The following EXOC4 variants were observed in gnomAD, a reference collection of about 807,000 sequenced individuals.
The protein encoded by EXOC4 is exocyst complex component 4.
Under a neutral mutation model 107.2 loss-of-function variants are expected in EXOC4, and 71 were observed. The ratio of observed to expected loss-of-function variants is 0.66; its 90% confidence interval spans 0.55 to 0.81. The LOEUF (loss-of-function observed/expected upper bound fraction) is 0.81, where lower values mean the gene tolerates loss of function less well. EXOC4 is among the 30% of genes least tolerant of loss of function. EXOC4 has a pLI of 0.00. For missense variants in EXOC4, 1,108 were observed against 1,189.6 expected (o/e 0.93, Z 1.01); for synonymous variants, 456 against 441.2 (o/e 1.03, Z -0.42).
rs748463481 is a variant in EXOC4, at chr7:133,630,089, G to T, written c.1462G>T (p.Val488Phe). 1.2e-6 allele frequency: 2 copies of T among 1,613,776 alleles called. No homozygotes were observed. The highest frequency in any genetic ancestry group is 1.7e-6 in the Non-Finnish European group (2 of 1,179,908). Residue 488 changes from valine (V) to phenylalanine (F), a missense_variant, in exon 10 of 18, where the codon GTC (valine) becomes TTC (phenylalanine). By Grantham distance (50) the Val-to-Phe change is conservative. Transcript: ENST00000253861. ...AATTGAAGGTGGAGGAACAAAATTT[G>T]TCTGCAAACCTGGAGCCAGAAACAT... ...NLIEGGGTKF[V>F]CKPGARNITV...
intron 11 of EXOC4, among the ~76,000 whole-genome samples, chr7:133,859,003 C>A (rs1013792001): frequency 1.3e-5 from 2 of 152,118 alleles, no homozygotes; most frequent in African/African-American, 4.8e-5. Flanking sequence ...TGACTCTTCT[C>A]CCCTGCCTCA....
At chr7:133,890,505 A>G (rs1176077114) in intron 11 of EXOC4, among the ~76,000 whole-genome samples, 2 of 141,232 alleles carry the variant, frequency 1.4e-5, no homozygotes, top group African/African-American at 2.9e-5. Flanking sequence ...GCCCACGCCT[A>G]TGTCCTGAAT....
intron 17 of EXOC4, among the ~76,000 whole-genome samples, chr7:134,042,676 C>T (rs1015434510): frequency 6.6e-6 from 1 of 152,192 alleles, no homozygotes; most frequent in Admixed American, 6.5e-5. Flanking sequence ...TGCTGATTAG[C>T]TGTGTGACCT....
At chr7:133,309,267 G>C (rs1794818111) in intron 4 of EXOC4, among the ~76,000 whole-genome samples, 1 of 152,098 alleles carries the variant, frequency 6.6e-6, no homozygotes, top group African/African-American at 2.4e-5. Flanking sequence ...CAGTTACACA[G>C]AAAGGAGCAA....
chr7:133,687,797 C>T (rs1447437469), intron 10 of EXOC4, among the ~76,000 whole-genome samples: 1 of 151,914 alleles, frequency 6.6e-6, no homozygotes, highest in African/African-American at 2.4e-5. Context: ...TCAATCTGTC[C>T]TTAAAAAATA....
At chr7:133,901,152 G>A (rs1468246643) in intron 12 of EXOC4, among the ~76,000 whole-genome samples, 3 of 152,174 alleles carry the variant, frequency 2.0e-5, no homozygotes, top group Admixed American at 6.5e-5. Flanking sequence ...TTACAGGCAT[G>A]AGCCACCATG....
intron 7 of EXOC4, among the ~76,000 whole-genome samples, chr7:133,441,870 A>C (rs1197216582): frequency 6.6e-6 from 1 of 152,172 alleles, no homozygotes; most frequent in South Asian, 2.1e-4. Context: ...ACATACACGC[A>C]CACATACCTA....
intron 10 of EXOC4, among the ~76,000 whole-genome samples, chr7:133,715,452 C>T (rs1002837309): frequency 1.3e-5 from 2 of 151,836 alleles, no homozygotes; most frequent in South Asian, 2.1e-4. Context: ...CTCAAAGTAG[C>T]CATTAAATCT....
Position 133,428,746 on chromosome 7 carries a change from T to G in EXOC4, c.1183-46582T>G, listed in dbSNP as rs1797784432. On this transcript the variant is annotated intron_variant, in intron 7 of 17. Coordinates refer to ENST00000253861, the MANE Select transcript of EXOC4 (RefSeq NM_021807.4). ...GTGTTTTCTGGTATGCCACTTGCTT[T>G]CTTTTATGCCACAAACATCTGTTGC... Among the ~76,000 whole-genome samples, 3 of 152,230 alleles carry G rather than the reference T, an allele frequency of 2.0e-5. No individual in the cohort carries two copies. In the South Asian group the frequency reaches 6.2e-4, roughly 31 times the overall value.
intron 11 of EXOC4, among the ~76,000 whole-genome samples, chr7:133,871,836 G>C (rs1798757661): frequency 6.6e-6 from 1 of 152,190 alleles, no homozygotes; most frequent in Non-Finnish European, 1.5e-5. Context: ...GATAATAACA[G>C]TATCCACCTA....
chr7:133,534,127 A>T (rs1182220107), intron 9 of EXOC4, among the ~76,000 whole-genome samples: 1 of 152,168 alleles, frequency 6.6e-6, no homozygotes, highest in Non-Finnish European at 1.5e-5. Context: ...ATCAAACCGT[A>T]GCCTCTGCCT....
chr7:133,292,937 A>G (rs1794439580), intron 3 of EXOC4, among the ~76,000 whole-genome samples: 1 of 152,082 alleles, frequency 6.6e-6, no homozygotes, highest in Non-Finnish European at 1.5e-5. Flanking sequence ...CTGGTTATTT[A>G]TTTGTTTATT....
intron 1 of EXOC4, among the ~76,000 whole-genome samples, chr7:133,262,209 G>A (rs1032021874): frequency 5.6e-4 from 85 of 152,182 alleles, no homozygotes; most frequent in African/African-American, 2.1e-3. Context: ...CAGATGTGCT[G>A]TTTAAAGCGA....
chr7:133,771,265 T>A (rs1440683015), intron 10 of EXOC4: 2 of 152,000 alleles, frequency 1.3e-5, no homozygotes, highest in Non-Finnish European at 2.9e-5. Context: ...CTTTTCTGAT[T>A]TCCTTCAGCC....
chr7:133,639,315 T>C (rs1802789726), intron 10 of EXOC4, among the ~76,000 whole-genome samples: 1 of 152,206 alleles, frequency 6.6e-6, no homozygotes, highest in African/African-American at 2.4e-5. Flanking sequence ...TTTTGCATTC[T>C]TTGTTACTGG....
chr7:134,021,041 G>T (rs1795018197), intron 17 of EXOC4, among the ~76,000 whole-genome samples: 2 of 151,956 alleles, frequency 1.3e-5, no homozygotes, highest in Non-Finnish European at 2.9e-5. Context: ...GTCTCTTGCA[G>T]ATTGGACTTG....
intron 16 of EXOC4, among the ~76,000 whole-genome samples, chr7:134,006,589 C>T (rs1309405148): frequency 6.6e-6 from 1 of 152,086 alleles, no homozygotes; most frequent in Non-Finnish European, 1.5e-5. Flanking sequence ...ATTTTGAAGA[C>T]ATGGGGAGCC....
chr7:133,743,524 A>G (rs1202844206), intron 10 of EXOC4, among the ~76,000 whole-genome samples: 6 of 152,178 alleles, frequency 3.9e-5, no homozygotes, highest in Non-Finnish European at 8.8e-5. Flanking sequence ...TAGCCCACTC[A>G]AAAGCACTAT....
chr7:133,712,858 A>G (rs1374833762), intron 10 of EXOC4, among the ~76,000 whole-genome samples: 1 of 152,250 alleles, frequency 6.6e-6, no homozygotes, highest in Admixed American at 6.5e-5. Flanking sequence ...CAGGCCCCAA[A>G]GGCCATATAT....
Sources: gnomAD v4.1 joint callset for allele counts (sites outside exome capture counted in the v4.1 genomes callset) on GRCh38, gnomAD v4.1.1 for gene constraint, MANE v1.5 for transcripts, NCBI Gene and HGNC (gene_info 2026-07-23, HGNC 2026-07-21) for gene names.